The following KCNMB2 variants were observed in gnomAD, a reference collection of about 807,000 sequenced individuals.
KCNMB2 encodes the protein potassium calcium-activated channel subfamily M regulatory beta subunit 2.
A neutral mutation model predicts 24.5 loss-of-function variants in KCNMB2; 9 were observed. That is an observed-to-expected ratio of 0.37 (90% CI 0.22 to 0.64). The LOEUF (loss-of-function observed/expected upper bound fraction) is 0.64. Ranked by LOEUF, KCNMB2 falls within the 30% of genes least tolerant of loss-of-function variation. The pLI, the probability that KCNMB2 is intolerant of heterozygous loss-of-function variation, is 0.63. For missense variants in KCNMB2, 226 were observed against 284.3 expected (o/e 0.79, Z 1.47); for synonymous variants, 109 against 104.4 (o/e 1.04, Z -0.27).
intron 4 of KCNMB2, among the ~76,000 whole-genome samples, chr3:178,837,525 A>T (rs569435838): frequency 1.3e-5 from 2 of 152,322 alleles, no homozygotes; most frequent in East Asian, 3.9e-4. Flanking sequence ...AAATAGTAGA[A>T]TTTTCATTTT....
At chr3:178,841,534 A>G (rs1715429748) in intron 4 of KCNMB2, 1 of 152,208 alleles carries the variant, frequency 6.6e-6, no homozygotes, top group Non-Finnish European at 1.5e-5. Flanking sequence ...AAAAAGGTTT[A>G]ATTAACTCAC....
At chr3:178,821,087 T>C (rs1714608577) in intron 2 of KCNMB2, among the ~76,000 whole-genome samples, 1 of 152,198 alleles carries the variant, frequency 6.6e-6, no homozygotes, top group Admixed American at 6.5e-5. Flanking sequence ...CCCAGACTCA[T>C]TCTTCCTCCT....
intron 1 of KCNMB2, among the ~76,000 whole-genome samples, chr3:178,704,506 T>C (rs1461944084): frequency 6.6e-6 from 1 of 152,180 alleles, no homozygotes. Context: ...TGTTCCATTG[T>C]CATATGGGGC....
intron 1 of KCNMB2, among the ~76,000 whole-genome samples, chr3:178,683,705 A>T (rs141646008): frequency 6.6e-6 from 1 of 152,098 alleles, no homozygotes; most frequent in East Asian, 1.9e-4. Flanking sequence ...TTTAACCTTC[A>T]CTCATCAACT....
chr3:178,649,450 A>AT (rs940602538), intron 1 of KCNMB2, among the ~76,000 whole-genome samples: 1 of 150,668 alleles, frequency 6.6e-6, no homozygotes, highest in East Asian at 1.9e-4. Context: ...CATCTATAGA[A>AT]TTTTTTTTCC....
At chr3:178,773,241 C>T (rs1426738029) in intron 1 of KCNMB2, among the ~76,000 whole-genome samples, 1 of 152,066 alleles carries the variant, frequency 6.6e-6, no homozygotes, top group Admixed American at 6.6e-5. Flanking sequence ...AGTCTTGATC[C>T]CCAATCTTAA....
chr3:178,586,857 C>T (rs1717458707), intron 1 of KCNMB2, among the ~76,000 whole-genome samples: 1 of 151,938 alleles, frequency 6.6e-6, no homozygotes, highest in Non-Finnish European at 1.5e-5. Context: ...AAATGCCAAT[C>T]TTTTCTCTTG....
chr3:178,734,485 C>G (rs1723253748), intron 1 of KCNMB2, among the ~76,000 whole-genome samples: 1 of 152,170 alleles, frequency 6.6e-6, no homozygotes, highest in Non-Finnish European at 1.5e-5. Context: ...GGCAGAGAGC[C>G]TGGCACATAG....
chr3:178,647,982 T>C (rs1719976662), intron 1 of KCNMB2, among the ~76,000 whole-genome samples: 1 of 152,136 alleles, frequency 6.6e-6, no homozygotes, highest in Non-Finnish European at 1.5e-5. Context: ...ATTTATACAG[T>C]ACATATTGTC....
chr3:178,756,523 A>T (rs1465835863), intron 1 of KCNMB2, among the ~76,000 whole-genome samples: 1 of 152,132 alleles, frequency 6.6e-6, no homozygotes, highest in Non-Finnish European at 1.5e-5. Context: ...TTTCTTTATA[A>T]TAACACACTA....
rs1401521431 is a variant in KCNMB2 at position 178,539,136 on chromosome 3, T to C, written c.-68+2425T>C. ...CTCTTATATACACAGACAGTCATCA[T>C]CCTACTTTATTGGAAGATATTGGAC... On this transcript the variant is annotated intron_variant, in intron 1 of 4. Coordinates refer to ENST00000452583, the MANE Select transcript of KCNMB2 (RefSeq NM_181361.3). Among the ~76,000 whole-genome samples, 5 of 152,280 alleles carry C rather than the reference T, an allele frequency of 3.3e-5. No individual in the cohort carries two copies. The East Asian group carries it at 9.7e-4, about 29-fold the overall frequency.
chr3:178,694,787 T>C (rs980333012), intron 1 of KCNMB2, among the ~76,000 whole-genome samples: 9 of 152,208 alleles, frequency 5.9e-5, no homozygotes, highest in Admixed American at 4.6e-4. Context: ...AAGGTACAAT[T>C]CCCCTCCCAG....
intron 1 of KCNMB2, among the ~76,000 whole-genome samples, chr3:178,765,687 A>ATGT (rs1205864185): frequency 9.5e-6 from 1 of 105,778 alleles, no homozygotes; most frequent in East Asian, 2.5e-4. Flanking sequence ...ACATGTGTGC[A>ATGT]CTGGAGGAAC....
At chr3:178,771,228 CT>C (rs1360320718) in intron 1 of KCNMB2, among the ~76,000 whole-genome samples, 1 of 152,124 alleles carries the variant, frequency 6.6e-6, no homozygotes, top group African/African-American at 2.4e-5. Flanking sequence ...CCCATCATCT[CT>C]GTCCTGACTC....
chr3:178,731,325 G>A (rs1053864545), intron 1 of KCNMB2, among the ~76,000 whole-genome samples: 2 of 152,174 alleles, frequency 1.3e-5, no homozygotes, highest in African/African-American at 4.8e-5. Context: ...GAGCAGAAAT[G>A]ATAGAGTGTC....
At chr3:178,798,382 T>C (rs1713637799) in intron 1 of KCNMB2, among the ~76,000 whole-genome samples, 1 of 151,770 alleles carries the variant, frequency 6.6e-6, no homozygotes, top group Non-Finnish European at 1.5e-5. Context: ...TTTGTTTTTG[T>C]GTTTATTTGT....
At chr3:178,592,726 C>T (rs62284825) in intron 1 of KCNMB2, among the ~76,000 whole-genome samples, 7,073 of 152,054 alleles carry the variant, frequency 0.047, 216 homozygotes, top group Middle Eastern at 0.099. Flanking sequence ...TTTTGTTTTA[C>T]GAGAGTCATT....
At chr3:178,671,635 A>ACAGAGAG (rs1048572221) in intron 1 of KCNMB2, among the ~76,000 whole-genome samples, 3 of 152,152 alleles carry the variant, frequency 2.0e-5, no homozygotes, top group African/African-American at 7.2e-5. Context: ...GAGGGGCTTA[A>ACAGAGAG]CAGAGAGCAG....
chr3:178,732,747 G>C (rs1723193249), intron 1 of KCNMB2, among the ~76,000 whole-genome samples: 1 of 152,188 alleles, frequency 6.6e-6, no homozygotes, highest in African/African-American at 2.4e-5. Context: ...ATGAAACAAA[G>C]TTGTGTATTG....
Sources: gnomAD v4.1 joint callset for allele counts (sites outside exome capture counted in the v4.1 genomes callset) on GRCh38, gnomAD v4.1.1 for gene constraint, MANE v1.5 for transcripts, NCBI Gene and HGNC (gene_info 2026-07-23, HGNC 2026-07-21) for gene names.